COX7A2: variants seen among roughly 807,000 people sequenced by gnomAD.
COX7A2 encodes the protein cytochrome c oxidase subunit 7A2.
In COX7A2, 11 loss-of-function variants were observed where a neutral mutation model predicts 11.6. The observed-to-expected ratio is 0.95, with a 90% CI of 0.60 to 1.57. The LOEUF (loss-of-function observed/expected upper bound fraction) is 1.57, where lower values mean the gene tolerates loss of function less well. Ranked by LOEUF, COX7A2 falls within the 40% of genes most tolerant of loss-of-function variation. COX7A2 has a pLI of 0.00. For synonymous variants in COX7A2, 30 were observed against 38.2 expected (o/e 0.78, Z 0.79); for missense variants, 106 against 100.9 (o/e 1.05, Z -0.22).
At chr6:75,247,761 C>A (rs1000610325), upstream of COX7A2, among the ~76,000 whole-genome samples, 12 of 151,988 alleles carry the variant, frequency 7.9e-5, no homozygotes, top group Non-Finnish European at 1.8e-4. Context: ...ACCACAAATT[C>A]TCATCAGATG....
At chr6:75,246,206 C>G (rs570066423), upstream of COX7A2, among the ~76,000 whole-genome samples, 2 of 152,314 alleles carry the variant, frequency 1.3e-5, no homozygotes, top group Admixed American at 1.3e-4. Flanking sequence ...TGAGACATCT[C>G]CACCTAGATG....
upstream of COX7A2, among the ~76,000 whole-genome samples, chr6:75,246,878 A>G (rs1231564384): frequency 6.6e-6 from 1 of 152,196 alleles, no homozygotes; most frequent in East Asian, 1.9e-4. Context: ...GCACACCAGA[A>G]ACATTACCAC....
At chr6:75,246,883 T>C (rs755756530), upstream of COX7A2, among the ~76,000 whole-genome samples, 1 of 152,190 alleles carries the variant, frequency 6.6e-6, no homozygotes, top group Non-Finnish European at 1.5e-5. Flanking sequence ...CCAGAAACAT[T>C]ACCACATTTT....
At chr6:75,238,704 CAAAAA>C (rs35057968) in intron 3 of COX7A2, among the ~76,000 whole-genome samples, 1 of 55,748 alleles carries the variant, frequency 1.8e-5, no homozygotes, top group South Asian at 1.1e-3. Context: ...AACTCCATCT[CAAAAA>C]AAAAAAAAAA....
chr6:75,243,754 C>G lies in COX7A2; in HGVS notation c.-20G>C. ...CAGCATCTTGGCTGTTACTGACCAG[C>G]AACCGCCACAACTGAACACCACCAA... On this transcript the variant is annotated 5_prime_UTR_variant, in exon 1 of 4. Coordinates refer to ENST00000684430, the MANE Select transcript of COX7A2 (RefSeq NM_001366293.2). 5.6e-6 allele frequency: 9 copies of G among 1,613,884 alleles called. No homozygotes were observed. The highest frequency in any genetic ancestry group is 5.3e-5 in the African/African-American group (4 of 75,032).
chr6:75,246,078 T>C (rs1771675424), upstream of COX7A2, among the ~76,000 whole-genome samples: 2 of 152,192 alleles, frequency 1.3e-5, no homozygotes, highest in South Asian at 4.1e-4. Flanking sequence ...TCATCTAACA[T>C]TGAACTACTA....
chr6:75,243,261 T>G (rs980171537), intron 1 of COX7A2, among the ~76,000 whole-genome samples: 5 of 152,168 alleles, frequency 3.3e-5, no homozygotes, highest in South Asian at 2.1e-4. Flanking sequence ...CACCCAAAAT[T>G]GAATGGCTTG....
upstream of COX7A2, among the ~76,000 whole-genome samples, chr6:75,247,717 A>G (rs981007872): frequency 1.4e-4 from 21 of 151,992 alleles, no homozygotes; most frequent in Non-Finnish European, 2.4e-4. Context: ...GCCCAAATTC[A>G]TATCTAAAGG....
intron 3 of COX7A2, among the ~76,000 whole-genome samples, chr6:75,239,891 C>G (rs2149509733): frequency 6.6e-6 from 1 of 152,260 alleles, no homozygotes; most frequent in East Asian, 1.9e-4. Context: ...CACCTGAGGT[C>G]AGGAGTTCAA....
chr6:75,243,538 C>T (rs920869855), intron 1 of COX7A2, among the ~76,000 whole-genome samples, 179 bp downstream of exon 1: 1 of 152,098 alleles, frequency 6.6e-6, no homozygotes, highest in African/African-American at 2.4e-5. Context: ...CCAGTAACGG[C>T]CTGGGGCGAG....
At chr6:75,248,081 C>CTTT (rs905344722), upstream of COX7A2, among the ~76,000 whole-genome samples, 17 of 10,676 alleles carry the variant, frequency 1.6e-3, 3 homozygotes, top group African/African-American at 2.7e-3. Context: ...CATCCTTTAT[C>CTTT]TTTTTTTTTT....
At position 75,240,287 on chromosome 6, in the gene COX7A2, T is replaced by C; in HGVS notation, c.193+14A>G. Reference sequence around the variant, plus strand: ...TACTTTTCTATAAACCTTCAAACATTCCAAAGGCCTTACCACCAACTGTAA... The same window carrying C: ...TACTTTTCTATAAACCTTCAAACATCCCAAAGGCCTTACCACCAACTGTAA... On this transcript the variant is annotated intron_variant, in intron 3 of 3. Coordinates refer to ENST00000684430, the MANE Select transcript of COX7A2 (RefSeq NM_001366293.2). 6.3e-7 allele frequency: 1 copy of C among 1,588,110 alleles called. No homozygotes were observed. The highest frequency in any genetic ancestry group is 1.1e-5 in the South Asian group (1 of 88,968).
chr6:75,248,740 GA>G (rs1771731860), upstream of COX7A2, among the ~76,000 whole-genome samples: 2 of 152,144 alleles, frequency 1.3e-5, no homozygotes, highest in East Asian at 3.9e-4. Flanking sequence ...ATTCCCCATT[GA>G]ACAATAATTA....
At chr6:75,242,097 G>A (rs188266824) in intron 1 of COX7A2, among the ~76,000 whole-genome samples, 167 of 152,240 alleles carry the variant, frequency 1.1e-3, no homozygotes, top group African/African-American at 3.9e-3. Context: ...CTAATCGGGA[G>A]GCTAAGGCAG....
At chr6:75,249,317 A>G (rs1049262283) in intron 1 of COX7A2, among the ~76,000 whole-genome samples, 1 of 152,230 alleles carries the variant, frequency 6.6e-6, no homozygotes, top group Admixed American at 6.5e-5. Flanking sequence ...GGACAAGAAC[A>G]TGATTAACAA....
chr6:75,242,867 A>G (rs1284601770), intron 1 of COX7A2, among the ~76,000 whole-genome samples: 1 of 152,010 alleles, frequency 6.6e-6, no homozygotes, highest in Non-Finnish European at 1.5e-5. Context: ...AATAAAAACA[A>G]CAACAACAAA....
intron 2 of COX7A2, 114 bp downstream of exon 2, chr6:75,241,062 G>A (rs1252307412): frequency 7.4e-7 from 1 of 1,343,956 alleles, no homozygotes; most frequent in Admixed American, 2.1e-5. Context: ...GACTTTTTTT[G>A]TAATGTTTAT....
chr6:75,246,318 CTT>C (rs1771681400), upstream of COX7A2, among the ~76,000 whole-genome samples: 1 of 152,194 alleles, frequency 6.6e-6, no homozygotes, highest in Non-Finnish European at 1.5e-5. Flanking sequence ...AAGCCTTAAA[CTT>C]TGTTTTCTAT....
chr6:75,242,652 T>C (rs528535131), intron 1 of COX7A2, among the ~76,000 whole-genome samples: 4 of 152,006 alleles, frequency 2.6e-5, no homozygotes, highest in Non-Finnish European at 5.9e-5. Flanking sequence ...AAACCCCGTC[T>C]CTATTAATAA....
Sources: allele counts gnomAD v4.1 joint callset (sites outside exome capture counted in the v4.1 genomes callset), GRCh38; gene constraint gnomAD v4.1.1; transcripts MANE v1.5; gene names NCBI Gene and HGNC (gene_info 2026-07-23, HGNC 2026-07-21).